The following IL12RB1 variants were observed in gnomAD, a reference collection of about 807,000 sequenced individuals.
The protein encoded by IL12RB1 is interleukin 12 receptor subunit beta 1.
In IL12RB1, 64 loss-of-function variants were observed where a neutral mutation model predicts 94.4. The observed-to-expected ratio is 0.68, with a 90% CI of 0.55 to 0.83. The LOEUF is 0.83. Among genes scored for constraint, IL12RB1 ranks in the 40% least tolerant of loss-of-function variants. IL12RB1 has a pLI of 0.00. For missense variants in IL12RB1, 814 were observed against 855.6 expected (o/e 0.95, Z 0.61); for synonymous variants, 362 against 355.5 (o/e 1.02, Z -0.21).
chr19:18,098,494 T>G (rs1250003070), intron 1 of IL12RB1, among the ~76,000 whole-genome samples: 3 of 151,824 alleles, frequency 2.0e-5, no homozygotes. Flanking sequence ...GGGTCCTCCT[T>G]TTACTGAGTT....
chr19:18,061,738 C>A (rs1188028251), intron 14 of IL12RB1, among the ~76,000 whole-genome samples: 1 of 152,056 alleles, frequency 6.6e-6, no homozygotes, highest in Non-Finnish European at 1.5e-5. Context: ...TGGCACGCAC[C>A]TGTAGTCCCA....
chr19:18,079,827 G>A (rs897395836), intron 4 of IL12RB1, among the ~76,000 whole-genome samples: 1 of 151,816 alleles, frequency 6.6e-6, no homozygotes, highest in Non-Finnish European at 1.5e-5. Flanking sequence ...AACCCAGGAG[G>A]CAGAGCTTGC....
At chr19:18,077,383 A>C (rs2035565032) in intron 5 of IL12RB1, 133 bp downstream of exon 5, 1 of 728,698 alleles carries the variant, frequency 1.4e-6, no homozygotes, top group African/African-American at 1.8e-5. Flanking sequence ...AAGAAAAAGA[A>C]AAAAACCACC....
intron 9 of IL12RB1, among the ~76,000 whole-genome samples, chr19:18,070,005 T>A (rs1175084153): frequency 6.6e-6 from 1 of 152,026 alleles, no homozygotes; most frequent in Admixed American, 6.6e-5. Flanking sequence ...AACCTCAGCC[T>A]CCCGGGTTCA....
chr19:18,066,734 A>G (rs779887179), intron 11 of IL12RB1, 37 bp from the exon 12 acceptor site: 21 of 1,575,054 alleles, frequency 1.3e-5, no homozygotes, highest in Non-Finnish European at 1.7e-5. Context: ...AACACCAAGA[A>G]TGCTGGTCGA....
chr19:18,063,933 G>T lies in IL12RB1; in HGVS notation c.1561C>A (p.Arg521=), dbSNP rs991981668. The T allele has an allele frequency of 1.9e-6, 3 of 1,613,118 alleles. No individual in the cohort carries two copies. Among genetic ancestry groups the T allele is most frequent in the African/African-American group, 1.3e-5 (1 of 74,858 alleles). ...CCCCTCAGCCACGCTGTGTCTGCTC[G>T]CACCTGCACCGTGTAGGCTACACCA... The part of the protein sequence containing the change: ...RAGVAYTVQV[R]ADTAWLRGVW... Residue 521 remains arginine (R), a synonymous_variant, in exon 13 of 17, where the codon CGA becomes AGA. Coordinates refer to ENST00000593993, the MANE Select transcript of IL12RB1 (RefSeq NM_005535.3).
intron 8 of IL12RB1, 94 bp from the exon 9 acceptor site, chr19:18,072,443 G>C: frequency 1.2e-6 from 1 of 821,578 alleles, no homozygotes; most frequent in Non-Finnish European, 2.1e-6. Flanking sequence ...GACAGACTTG[G>C]ACAAAGGCCA....
At chr19:18,095,902 G>T in intron 1 of IL12RB1, among the ~76,000 whole-genome samples, 1 of 152,098 alleles carries the variant, frequency 6.6e-6, no homozygotes. Context: ...CGGCTGCAGA[G>T]AAAGTGCGAG....
intron 11 of IL12RB1, among the ~76,000 whole-genome samples, chr19:18,067,355 T>C (rs17878578): frequency 1.7e-3 from 203 of 117,400 alleles, no homozygotes; most frequent in African/African-American, 6.1e-3. Flanking sequence ...AAAAAAGGAG[T>C]GCTGGTTGAG....
chr19:18,077,235 G>C (rs2035548337), intron 5 of IL12RB1, among the ~76,000 whole-genome samples: 1 of 151,902 alleles, frequency 6.6e-6, no homozygotes, highest in South Asian at 2.1e-4. Context: ...GTGGGCGCAT[G>C]CCTGTAATCC....
rs774271493 is a variant in IL12RB1, at chr19:18,068,450, C to T, written c.1266G>A (p.Ala422=). The T allele has an allele frequency of 1.1e-5, 18 of 1,612,792 alleles. No homozygotes were observed. In the East Asian group the frequency reaches 1.6e-4, roughly 14 times the overall value. ...KCYYITIFAS[A]HPEKLTLWST... ...ACCACAAGGTGAGCTTCTCGGGGTGCGCAGAGGCAAAGATGGTAATGTAGT... is the reference window on the plus strand; with the variant it reads ...ACCACAAGGTGAGCTTCTCGGGGTGTGCAGAGGCAAAGATGGTAATGTAGT... The change falls in exon 11 of 17, where the codon GCG becomes GCA. Residue 422 remains alanine, a synonymous_variant. Transcript: ENST00000593993.
intron 8 of IL12RB1, among the ~76,000 whole-genome samples, chr19:18,072,698 A>G (rs2035154067): frequency 6.6e-6 from 1 of 152,136 alleles, no homozygotes; most frequent in African/African-American, 2.4e-5. Flanking sequence ...CTCTAATCCC[A>G]GCACTTTGGG....
chr19:18,091,762 A>G (rs1032391471), upstream of IL12RB1, among the ~76,000 whole-genome samples: 1 of 151,974 alleles, frequency 6.6e-6, no homozygotes, highest in Non-Finnish European at 1.5e-5. Flanking sequence ...CAGTGACACA[A>G]TCATAGCTCA....
intron 11 of IL12RB1, among the ~76,000 whole-genome samples, chr19:18,066,983 C>T (rs540509273): frequency 1.2e-3 from 172 of 149,168 alleles, no homozygotes; most frequent in African/African-American, 4.1e-3. Flanking sequence ...GCCAAGATGG[C>T]ACCACTGCAC....
chr19:18,075,248 ATTACTTTTTTTTTTTTTT>A lies in IL12RB1; in HGVS notation c.700+483_700+500del, dbSNP rs2035373045. 2.2e-5 allele frequency among the ~76,000 whole-genome samples: 3 copies of A among 139,032 alleles called. No homozygotes were observed. In the Admixed American group the frequency reaches 2.2e-4, roughly 10 times the overall value. 91.2% of individuals were successfully genotyped at this position (139,032 alleles called of 152,430 possible). A position where few individuals can be genotyped will look rare whatever the true frequency, so the allele number is the denominator to read the frequency against. On this transcript the variant is annotated intron_variant, in intron 7 of 16. Coordinates refer to ENST00000593993, the MANE Select transcript of IL12RB1 (RefSeq NM_005535.3). ...ATTTCTTTTTCCATTTTATTTTATTATTACTTTTTTTTTTTTTTTTACTTTTTTTTGAGACAGAGTCTG... is the reference window on the plus strand; with the variant it reads ...ATTTCTTTTTCCATTTTATTTTATTATTACTTTTTTTTGAGACAGAGTCTG...
At chr19:18,086,440 A>G (rs889127156) in intron 1 of IL12RB1, among the ~76,000 whole-genome samples, 1 of 152,090 alleles carries the variant, frequency 6.6e-6, no homozygotes, top group East Asian at 1.9e-4. Context: ...ATCTATTGTA[A>G]ACTACATACA....
In IL12RB1 at chr19:18,086,923, G is replaced by A. The variant is rs1416783573; in HGVS notation, c.-100C>T. 3 of 1,559,460 alleles carry A rather than the reference G, an allele frequency of 1.9e-6. No individual in the cohort carries two copies. The highest frequency in any genetic ancestry group is 1.4e-5 in the African/African-American group (1 of 73,188). Reference sequence around the variant, plus strand: ...TCCGGAACACATTGAAGCTGAGCAAGGAGAAAAGACTGAAAAAAAAGAAAA... The same window carrying A: ...TCCGGAACACATTGAAGCTGAGCAAAGAGAAAAGACTGAAAAAAAAGAAAA... On this transcript the variant is annotated 5_prime_UTR_variant, in exon 1 of 17. Transcript: ENST00000593993.
rs150261140 is a variant in IL12RB1, at chr19:18,069,654, G to C, written c.1081C>G (p.Arg361Gly). ...TNGTTMYWPA[R>G]AQSMTYCIEW... Reference sequence around the variant, plus strand: ...ATGCAATACGTCATGCTCTGAGCCCGGGCTGGCCAATACATGGTGGTCCCG... The same window carrying C: ...ATGCAATACGTCATGCTCTGAGCCCCGGCTGGCCAATACATGGTGGTCCCG... The change falls in exon 10 of 17, where the codon CGG becomes GGG. Residue 361 changes from arginine (R) to glycine (G), a missense_variant. Coordinates refer to ENST00000593993, the MANE Select transcript of IL12RB1 (RefSeq NM_005535.3). The C allele has an allele frequency of 1.2e-5, 19 of 1,613,082 alleles. No individual in the cohort carries two copies. The highest frequency in any genetic ancestry group is 3.3e-4 in the Middle Eastern group (2 of 6,058).
In IL12RB1 at chr19:18,061,193, C is replaced by A. The variant is rs750611719; in HGVS notation, c.1720G>T (p.Ala574Ser). The change falls in exon 15 of 17, where the codon GCA becomes TCA. Residue 574 changes from alanine (A) to serine (S), a missense_variant. Ala to Ser is a moderately conservative substitution (Grantham distance 99). Coordinates refer to ENST00000593993, the MANE Select transcript of IL12RB1 (RefSeq NM_005535.3). ...GGCAGCGGCGGGCACAGGTGCCGTG[C>A]GGCCCTGGGGAGGAAAGGGGACCAG... Reference protein sequence around the residue: ...VLGYLGLNRAARHLCPPLPTP... With the variant: ...VLGYLGLNRASRHLCPPLPTP... 1 of 1,553,264 alleles carries A rather than the reference C, an allele frequency of 6.4e-7. No homozygotes were observed. The highest frequency in any genetic ancestry group is 8.8e-7 in the Non-Finnish European group (1 of 1,138,394).
Sources: allele counts gnomAD v4.1 joint callset (sites outside exome capture counted in the v4.1 genomes callset), GRCh38; gene constraint gnomAD v4.1.1; transcripts MANE v1.5; gene names NCBI Gene and HGNC (gene_info 2026-07-23, HGNC 2026-07-21).